FRRS1: variants seen among roughly 807,000 people sequenced by gnomAD.
The protein encoded by FRRS1 is ferric chelate reductase 1, also known as ferric reductase 1.
A neutral mutation model predicts 70.7 loss-of-function variants in FRRS1; 51 were observed. The observed-to-expected ratio is 0.72, with a 90% confidence interval of 0.58 to 0.91. The LOEUF (loss-of-function observed/expected upper bound fraction) is 0.91. Ranked by LOEUF, FRRS1 falls within the 40% of genes least tolerant of loss-of-function variation. The pLI, the probability that FRRS1 is intolerant of heterozygous loss-of-function variation, is 0.00. For synonymous variants in FRRS1, 225 were observed against 238.7 expected (o/e 0.94, Z 0.53); for missense variants, 672 against 726.0 (o/e 0.93, Z 0.86).
chr1:99,715,703 A>T, intron 11 of FRRS1, 31 bp from the exon 12 acceptor site: 1 of 1,488,600 alleles, frequency 6.7e-7, no homozygotes, highest in Non-Finnish European at 9.4e-7. Context: ...TTAAGAAGAC[A>T]CTTATCCATG....
chr1:99,762,538 C>T (rs1657161984), intron 1 of FRRS1, among the ~76,000 whole-genome samples: 1 of 148,536 alleles, frequency 6.7e-6, no homozygotes, highest in South Asian at 2.1e-4. Flanking sequence ...TCAATTATAA[C>T]CTCTAGGATA....
At chr1:99,745,333 C>A (rs1299481167) in intron 4 of FRRS1, among the ~76,000 whole-genome samples, 1 of 152,148 alleles carries the variant, frequency 6.6e-6, no homozygotes, top group Non-Finnish European at 1.5e-5. Context: ...TGGATTGGCT[C>A]CATGGACGTT....
intron 1 of FRRS1, among the ~76,000 whole-genome samples, chr1:99,757,257 C>G (rs541518700): frequency 6.6e-6 from 1 of 151,836 alleles, no homozygotes; most frequent in African/African-American, 2.4e-5. Context: ...CTGGTTACAC[C>G]CTACTGCATT....
intron 1 of FRRS1, among the ~76,000 whole-genome samples, chr1:99,749,654 A>G (rs1168816305): frequency 6.6e-6 from 1 of 152,256 alleles, no homozygotes; most frequent in African/African-American, 2.4e-5. Flanking sequence ...TACTACATGT[A>G]GCCCAGATAC....
chr1:99,717,612 A>G (rs1027579112), intron 10 of FRRS1, 87 bp from the exon 11 acceptor site: 1 of 847,514 alleles, frequency 1.2e-6, no homozygotes. Flanking sequence ...CAGAAAATAT[A>G]AACAGCCAGC....
intron 10 of FRRS1, among the ~76,000 whole-genome samples, chr1:99,718,790 G>A (rs1654661900): frequency 6.6e-6 from 1 of 151,996 alleles, no homozygotes; most frequent in Admixed American, 6.5e-5. Context: ...CCAAACTATT[G>A]TTATAATTAA....
chr1:99,757,044 C>T (rs1187686343), intron 1 of FRRS1, among the ~76,000 whole-genome samples: 1 of 149,102 alleles, frequency 6.7e-6, no homozygotes, highest in African/African-American at 2.5e-5. Context: ...CAAAATAGTT[C>T]ACTATAAAAT....
In FRRS1 at chr1:99,728,543, T is replaced by A; in HGVS notation, c.956A>T (p.Asp319Val). The A allele has an allele frequency of 6.2e-7, 1 of 1,612,158 alleles. No individual in the cohort carries two copies. Among genetic ancestry groups the A allele is most frequent in the Non-Finnish European group, 8.5e-7 (1 of 1,178,240 alleles). ...AAATATGTAATAGCTTGTGTTTAGA[T>A]CAAATCTATTCTTAACTCCAGGAAG... ...ITLPGVKNRF[D>V]LNTSYYIFLA... The change falls in exon 9 of 17, where the codon GAT becomes GTT. Residue 319 changes from aspartate (D) to valine (V), a missense_variant. Transcript: ENST00000646001.
intron 1 of FRRS1, among the ~76,000 whole-genome samples, chr1:99,756,704 T>C (rs1656851976): frequency 6.6e-6 from 1 of 152,186 alleles, no homozygotes; most frequent in Admixed American, 6.5e-5. Context: ...TGTGCAACTC[T>C]AAGAACATGT....
chr1:99,764,977 A>G (rs1571167691), intron 1 of FRRS1, among the ~76,000 whole-genome samples: 1 of 152,298 alleles, frequency 6.6e-6, no homozygotes, highest in East Asian at 1.9e-4. Context: ...CTTTTGGTAA[A>G]CCTCTGGATA....
chr1:99,765,134 T>G (rs757602903), intron 1 of FRRS1, among the ~76,000 whole-genome samples: 33 of 152,286 alleles, frequency 2.2e-4, no homozygotes, highest in Non-Finnish European at 3.5e-4. Context: ...GAGAGTACAC[T>G]TCACCAAAAA....
At chr1:99,755,865 A>T (rs971607599) in intron 1 of FRRS1, among the ~76,000 whole-genome samples, 2 of 152,250 alleles carry the variant, frequency 1.3e-5, no homozygotes, top group Non-Finnish European at 2.9e-5. Flanking sequence ...TTAGGAAAAT[A>T]TAACAAGGTC....
At chr1:99,724,124 C>T (rs1364071439) in intron 9 of FRRS1, among the ~76,000 whole-genome samples, 1 of 152,160 alleles carries the variant, frequency 6.6e-6, no homozygotes, top group Admixed American at 6.5e-5. Context: ...ACTATAGAGC[C>T]ATGAACTAAG....
intron 1 of FRRS1, among the ~76,000 whole-genome samples, chr1:99,755,451 G>C (rs945475048): frequency 1.3e-5 from 2 of 151,882 alleles, no homozygotes; most frequent in African/African-American, 2.4e-5. Flanking sequence ...GACGGAGAGA[G>C]GGAAGGAAGG....
chr1:99,729,152 C>G (rs1655217510), intron 8 of FRRS1, among the ~76,000 whole-genome samples: 1 of 152,180 alleles, frequency 6.6e-6, no homozygotes, highest in Admixed American at 6.5e-5. Flanking sequence ...TTTCAGAGCT[C>G]ATTTGCTTGT....
intron 9 of FRRS1, among the ~76,000 whole-genome samples, chr1:99,721,964 C>T (rs1464697448): frequency 6.6e-6 from 1 of 151,704 alleles, no homozygotes; most frequent in Non-Finnish European, 1.5e-5. Flanking sequence ...GTGAGTTCTA[C>T]CATACCATTA....
intron 1 of FRRS1, among the ~76,000 whole-genome samples, chr1:99,750,523 A>G (rs1656519513): frequency 6.6e-6 from 1 of 152,242 alleles, no homozygotes; most frequent in Non-Finnish European, 1.5e-5. Flanking sequence ...GAACAAATGC[A>G]CAGAGATGGA....
chr1:99,715,672 C>A lies in FRRS1; in HGVS notation c.1237G>T (p.Val413Leu), dbSNP rs751017882. 2 of 1,607,584 alleles carry A rather than the reference C, an allele frequency of 1.2e-6. No individual in the cohort carries two copies. Among genetic ancestry groups the A allele is most frequent in the African/African-American group, 1.3e-5 (1 of 74,816 alleles). The change falls in exon 12 of 17, where the codon GTG becomes TTG. Residue 413 changes from valine to leucine, a missense_variant and splice_region_variant. Coordinates refer to ENST00000646001, the MANE Select transcript of FRRS1 (RefSeq NM_001361041.2). Reference sequence around the variant, plus strand: ...GTGGTGAACATGAGCATCCGATGCACCTGCAAGGTAAAATGACAAATTAAG... The same window carrying A: ...GTGGTGAACATGAGCATCCGATGCAACTGCAAGGTAAAATGACAAATTAAG... ...FLLGEAAWFQ[V>L]HRMLMFTTTV...
At chr1:99,727,547 T>C (rs1414545503) in intron 9 of FRRS1, among the ~76,000 whole-genome samples, 3 of 152,268 alleles carry the variant, frequency 2.0e-5, no homozygotes, top group African/African-American at 7.2e-5. Context: ...CTTTTGGGAG[T>C]CTGCTTTACC....
Sources: gnomAD v4.1 joint callset for allele counts (sites outside exome capture counted in the v4.1 genomes callset) on GRCh38, gnomAD v4.1.1 for gene constraint, MANE v1.5 for transcripts, NCBI Gene and HGNC (gene_info 2026-07-23, HGNC 2026-07-21) for gene names.